Variants in ETV6 observed in about 807,000 individuals in gnomAD.
ETV6 encodes the protein transcription factor ETV6.
In ETV6, 16 loss-of-function variants were observed where a neutral mutation model predicts 51.1. The observed-to-expected ratio is 0.31, with a 90% confidence interval of 0.21 to 0.48. The LOEUF (loss-of-function observed/expected upper bound fraction) is 0.48, where lower values mean the gene tolerates loss of function less well. Ranked by LOEUF, ETV6 falls within the 20% of genes least tolerant of loss-of-function variation. The pLI is 0.99. For missense variants in ETV6, 458 were observed against 594.8 expected (o/e 0.77, Z 2.39); for synonymous variants, 240 against 224.1 (o/e 1.07, Z -0.64).
intron 1 of ETV6, among the ~76,000 whole-genome samples, chr12:11,737,265 G>A (rs917062812): frequency 4.6e-5 from 7 of 152,210 alleles, no homozygotes; most frequent in African/African-American, 7.2e-5. Flanking sequence ...GTCAGGACAG[G>A]GAGTCCTGAA....
At chr12:11,849,998 T>G (rs1946525644) in intron 3 of ETV6, among the ~76,000 whole-genome samples, 1 of 152,186 alleles carries the variant, frequency 6.6e-6, no homozygotes, top group African/African-American at 2.4e-5. Flanking sequence ...TGTCTGTGCA[T>G]GGACTGACTC....
At chr12:11,667,011 CACT>C (rs1196740393) in intron 1 of ETV6, among the ~76,000 whole-genome samples, 3 of 152,158 alleles carry the variant, frequency 2.0e-5, no homozygotes, top group African/African-American at 7.2e-5. Context: ...TGATCTGGAC[CACT>C]TAGGGAGCAG....
At chr12:11,826,817 A>G (rs1591702627) in intron 2 of ETV6, among the ~76,000 whole-genome samples, 1 of 152,068 alleles carries the variant, frequency 6.6e-6, no homozygotes, top group Admixed American at 6.5e-5. Context: ...ATCCAGTTAC[A>G]TATCTGTGGC....
chr12:11,868,601 C>T (rs888572064), intron 4 of ETV6, among the ~76,000 whole-genome samples: 4 of 151,412 alleles, frequency 2.6e-5, no homozygotes, highest in South Asian at 4.2e-4. Context: ...CCGCACCCAG[C>T]CAGGAGTGCT....
At chr12:11,825,393 A>G (rs1161936904) in intron 2 of ETV6, among the ~76,000 whole-genome samples, 2 of 152,232 alleles carry the variant, frequency 1.3e-5, no homozygotes, top group East Asian at 3.8e-4. Context: ...CAAATATTGA[A>G]GAACGGCAAA....
chr12:11,735,112 T>A (rs1050156517), intron 1 of ETV6, among the ~76,000 whole-genome samples: 4 of 142,530 alleles, frequency 2.8e-5, no homozygotes, highest in African/African-American at 8.1e-5. Flanking sequence ...TTTTTTTTTT[T>A]ACTAATACTA....
chr12:11,845,399 T>A (rs1449289969), intron 3 of ETV6, among the ~76,000 whole-genome samples: 1 of 152,232 alleles, frequency 6.6e-6, no homozygotes, highest in Non-Finnish European at 1.5e-5. Flanking sequence ...TAAAGTTCTG[T>A]TTTCTCGAGA....
intron 1 of ETV6, among the ~76,000 whole-genome samples, chr12:11,718,916 T>C (rs961139882): frequency 6.6e-6 from 1 of 152,222 alleles, no homozygotes; most frequent in Non-Finnish European, 1.5e-5. Flanking sequence ...TGATCTGTGA[T>C]TCAGAAAGAG....
intron 2 of ETV6, among the ~76,000 whole-genome samples, chr12:11,773,192 CAAAAAAAAAA>C (rs1221154358): frequency 1.3e-5 from 1 of 79,322 alleles, no homozygotes; most frequent in African/African-American, 5.0e-5. Flanking sequence ...GACTCCATCT[CAAAAAAAAAA>C]AAAAAAAAAA....
chr12:11,676,124 C>T (rs1864417596), intron 1 of ETV6, among the ~76,000 whole-genome samples: 1 of 152,170 alleles, frequency 6.6e-6, no homozygotes, highest in Admixed American at 6.5e-5. Context: ...GGAATGGGCC[C>T]TGCCTGGCTG....
intron 2 of ETV6, among the ~76,000 whole-genome samples, chr12:11,775,100 G>T (rs967570725): frequency 2.0e-5 from 3 of 152,176 alleles, no homozygotes; most frequent in Non-Finnish European, 4.4e-5. Context: ...AAGAAGCTTT[G>T]AACCAGTGAT....
chr12:11,844,370 T>C (rs1946430798), intron 3 of ETV6, among the ~76,000 whole-genome samples: 1 of 152,224 alleles, frequency 6.6e-6, no homozygotes, highest in African/African-American at 2.4e-5. Context: ...TTTAGTAGAC[T>C]AAAATCTGCA....
At chr12:11,709,886 C>T (rs772107429) in intron 1 of ETV6, among the ~76,000 whole-genome samples, 3 of 152,024 alleles carry the variant, frequency 2.0e-5, no homozygotes, top group African/African-American at 7.3e-5. Flanking sequence ...CCTCTATAAG[C>T]ACATAAGCCA....
intron 3 of ETV6, among the ~76,000 whole-genome samples, chr12:11,852,483 G>A (rs553304601): frequency 1.2e-4 from 19 of 152,020 alleles, no homozygotes; most frequent in African/African-American, 3.6e-4. Context: ...TTCTTTTCCC[G>A]TCTAGGATTG....
intron 2 of ETV6, among the ~76,000 whole-genome samples, chr12:11,772,529 C>T (rs1453191290): frequency 6.6e-6 from 1 of 152,042 alleles, no homozygotes; most frequent in East Asian, 1.9e-4. Context: ...ACCAGTTTCC[C>T]CACCCAAAAT....
intron 2 of ETV6, 128 bp downstream of exon 2, chr12:11,752,707 G>C: frequency 7.9e-7 from 1 of 1,271,538 alleles, no homozygotes; most frequent in South Asian, 1.6e-5. Context: ...ACGCTGCTTT[G>C]GAATCTTTCA....
At position 11,788,421 on chromosome 12, in the gene ETV6, C is replaced by T. The variant is rs994632347; in HGVS notation, c.163+35842C>T. The stretch of plus-strand genomic sequence containing the variant: ...TTAAAAAGTGGTCTAGGAAGTATAG[C>T]AATGTCATGGAGCTCTTGAGGATGT... On this transcript the variant is annotated intron_variant, in intron 2 of 7. Coordinates refer to ENST00000396373, the MANE Select transcript of ETV6 (RefSeq NM_001987.5). 2.6e-5 allele frequency among the ~76,000 whole-genome samples: 4 copies of T among 152,112 alleles called. No individual in the cohort carries two copies. In the East Asian group the frequency reaches 5.8e-4, roughly 22 times the overall value.
At chr12:11,866,564 G>C (rs180699226) in intron 4 of ETV6, among the ~76,000 whole-genome samples, 1 of 152,222 alleles carries the variant, frequency 6.6e-6, no homozygotes, top group East Asian at 1.9e-4. Flanking sequence ...GTTTCATTAG[G>C]TCCAATCTGT....
chr12:11,747,717 A>G (rs1386169111), intron 1 of ETV6, among the ~76,000 whole-genome samples: 2 of 152,206 alleles, frequency 1.3e-5, no homozygotes, highest in East Asian at 1.9e-4. Flanking sequence ...GTATTACTTT[A>G]GGTTCTTGTG....
Sources: gnomAD v4.1 joint callset for allele counts (sites outside exome capture counted in the v4.1 genomes callset) on GRCh38, gnomAD v4.1.1 for gene constraint, MANE v1.5 for transcripts, NCBI Gene and HGNC (gene_info 2026-07-23, HGNC 2026-07-21) for gene names.